The following ABCC5 variants were observed in gnomAD, a reference collection of about 807,000 sequenced individuals.
The protein encoded by ABCC5 is ATP-binding cassette sub-family C member 5.
In ABCC5, 61 loss-of-function variants were observed where a neutral mutation model predicts 160.9. The observed-to-expected ratio is 0.38, with a 90% CI of 0.31 to 0.47. The LOEUF is 0.47. Ranked by LOEUF, ABCC5 falls within the 20% of genes least tolerant of loss-of-function variation. The pLI is 0.99. For missense variants in ABCC5, 1,308 were observed against 1,813.3 expected (o/e 0.72, Z 5.06); for synonymous variants, 666 against 700.6 (o/e 0.95, Z 0.78).
At chr3:183,941,828 C>CA in intron 25 of ABCC5, among the ~76,000 whole-genome samples, 1 of 151,706 alleles carries the variant, frequency 6.6e-6, no homozygotes, top group East Asian at 2.0e-4. Context: ...ACTAAAAATA[C>CA]AAAAAAATTA....
At position 183,947,306 on chromosome 3, in the gene ABCC5, C is replaced by T. The variant is rs189078527; in HGVS notation, c.3414+18G>A. Reference sequence around the variant, plus strand: ...GGCTCAAACAAGCAAAGATGACGCTCCTATCCCAGAGACTGACCTGGACAG... The same window carrying T: ...GGCTCAAACAAGCAAAGATGACGCTTCTATCCCAGAGACTGACCTGGACAG... On this transcript the variant is annotated intron_variant, in intron 23 of 29. Coordinates refer to ENST00000334444, the MANE Select transcript of ABCC5 (RefSeq NM_005688.4). 10 of 1,571,208 alleles carry T rather than the reference C, an allele frequency of 6.4e-6. No homozygotes were observed. The highest frequency in any genetic ancestry group is 2.1e-4 in the Middle Eastern group (1 of 4,876).
At chr3:183,997,580 G>A (rs1332498691) in intron 2 of ABCC5, among the ~76,000 whole-genome samples, 3 of 152,092 alleles carry the variant, frequency 2.0e-5, no homozygotes, top group East Asian at 1.9e-4. Flanking sequence ...AGCTCCTAGA[G>A]GGCAAGCTGT....
chr3:183,999,938 T>TG (rs1720607470), intron 2 of ABCC5, among the ~76,000 whole-genome samples: 1 of 152,158 alleles, frequency 6.6e-6, no homozygotes, highest in Non-Finnish European at 1.5e-5. Flanking sequence ...CCAGCTATGA[T>TG]GGGGGACAGC....
At chr3:183,952,144 C>CTTT (rs34905378) in intron 18 of ABCC5, 141 bp from the exon 19 acceptor site, 292 of 373,704 alleles carry the variant, frequency 7.8e-4, no homozygotes, top group African/African-American at 1.4e-3. Context: ...TTGTCCACCT[C>CTTT]TTTTTTTTTT....
intron 5 of ABCC5, chr3:183,985,149 A>G: frequency 4.0e-6 from 3 of 750,830 alleles, no homozygotes; most frequent in Non-Finnish European, 6.4e-6. Flanking sequence ...GGGATAAAGA[A>G]AAAAGAGGTT....
intron 12 of ABCC5, among the ~76,000 whole-genome samples, chr3:183,966,315 A>G (rs1717212989): frequency 6.6e-6 from 1 of 152,218 alleles, no homozygotes; most frequent in Admixed American, 6.5e-5. Context: ...TGCACTTCAA[A>G]GGGTTCAGAA....
At chr3:183,993,881 G>T (rs956326168) in intron 2 of ABCC5, among the ~76,000 whole-genome samples, 5 of 151,718 alleles carry the variant, frequency 3.3e-5, no homozygotes, top group African/African-American at 1.2e-4. Flanking sequence ...CATCATCGAG[G>T]TCTAAAAATC....
chr3:183,981,886 A>C lies in ABCC5; in HGVS notation c.1000-12T>G. The C allele has an allele frequency of 6.3e-7, 1 of 1,585,230 alleles. No homozygotes were observed. The highest frequency in any genetic ancestry group is 1.4e-5 in the African/African-American group (1 of 73,164). ...CGTGATGCAAACATCTGAAAGGAAAAGCGATGCCACGCCAAATTAAAGCTC... is the reference window on the plus strand; with the variant it reads ...CGTGATGCAAACATCTGAAAGGAAACGCGATGCCACGCCAAATTAAAGCTC... On this transcript the variant is annotated splice_polypyrimidine_tract_variant and intron_variant, in intron 7 of 29. Coordinates refer to ENST00000334444, the MANE Select transcript of ABCC5 (RefSeq NM_005688.4).
At chr3:183,971,050 C>T (rs1341297774) in intron 11 of ABCC5, among the ~76,000 whole-genome samples, 1 of 152,180 alleles carries the variant, frequency 6.6e-6, no homozygotes, top group Admixed American at 6.5e-5. Context: ...TCTGTTCCAC[C>T]ATTCCCTATA....
chr3:183,940,984 G>A (rs766722649), intron 25 of ABCC5, among the ~76,000 whole-genome samples: 6 of 152,094 alleles, frequency 3.9e-5, no homozygotes, highest in South Asian at 2.1e-4. Context: ...TCAGCCTCCC[G>A]AGTAGCTGGA....
At chr3:183,991,460 C>T (rs1383539958) in intron 2 of ABCC5, among the ~76,000 whole-genome samples, 4 of 152,124 alleles carry the variant, frequency 2.6e-5, no homozygotes, top group East Asian at 3.8e-4. Context: ...CAAAGAACAG[C>T]GGGAACTTAA....
Position 183,963,697 on chromosome 3 carries a change from A to AATTCCCCGCAGATGAACTGCCATGCTG in ABCC5, c.2032-136_2032-110dup. On this transcript the variant is annotated intron_variant, in intron 14 of 29. Coordinates refer to ENST00000334444, the MANE Select transcript of ABCC5 (RefSeq NM_005688.4). This position sits in a 1 kb window ranked among gnomAD's most constrained non-coding sequence, Gnocchi z 4.6. ...CCCACCCAGACCAGCTCCTTCTGTC[A>AATTCCCCGCAGATGAACTGCCATGCTG]ATTCCCCGCAGATGAACTGCCATGC... 1.0e-6 allele frequency: 1 copy of AATTCCCCGCAGATGAACTGCCATGCTG among 978,434 alleles called. No individual in the cohort carries two copies. Among genetic ancestry groups the AATTCCCCGCAGATGAACTGCCATGCTG allele is most frequent in the South Asian group, 1.6e-5 (1 of 63,230 alleles). The allele number at this position is 978,434 out of a possible 1,614,324, so 60.6% of individuals were successfully genotyped here. A position where few individuals can be genotyped will look rare whatever the true frequency, so the allele number is the denominator to read the frequency against.
Position 183,967,400 on chromosome 3 carries a change from G to A in ABCC5, c.1833+295C>T, listed in dbSNP as rs531522147. ...CTTATCTCTGACATTTTCAATACAC[G>A]GGCATACCTGTGGCACTCAATAGAT... On this transcript the variant is annotated intron_variant, in intron 12 of 29. Coordinates refer to ENST00000334444, the MANE Select transcript of ABCC5 (RefSeq NM_005688.4). The A allele has an allele frequency of 4.0e-5, 14 of 352,176 alleles. No homozygotes were observed. The East Asian group carries it at 7.9e-4, about 20-fold the overall frequency. The allele number at this position is 352,176 out of a possible 1,614,324, so 21.8% of individuals were successfully genotyped here.
intron 17 of ABCC5, among the ~76,000 whole-genome samples, chr3:183,954,823 G>T (rs556342485): frequency 6.6e-6 from 1 of 152,238 alleles, no homozygotes; most frequent in African/African-American, 2.4e-5. Flanking sequence ...CAAGGCAGTT[G>T]GATTACAGCT....
chr3:183,971,542 G>A, intron 11 of ABCC5, 21 bp downstream of exon 11: 2 of 1,605,412 alleles, frequency 1.2e-6, no homozygotes, highest in Non-Finnish European at 1.7e-6. Flanking sequence ...CGGGCAGGGA[G>A]GCAGGGGGCG....
At chr3:183,934,279 C>T (rs992401383) in intron 26 of ABCC5, among the ~76,000 whole-genome samples, 2 of 152,154 alleles carry the variant, frequency 1.3e-5, no homozygotes, top group Non-Finnish European at 1.5e-5. Flanking sequence ...GGCAACAGAG[C>T]GAGACTCTGT....
At position 183,954,395 on chromosome 3, in the gene ABCC5, T is replaced by C. The variant is rs189855476; in HGVS notation, c.2483-1125A>G. Among the ~76,000 whole-genome samples the C allele has an allele frequency of 6.0e-3, 913 of 152,278 alleles. 10 individuals are homozygous for C. The highest frequency in any genetic ancestry group is 0.021 in the African/African-American group (874 of 41,558). Reference sequence around the variant, plus strand: ...AACTCCTGACCTCAGGTGATCTGCCTGCCTCAGCCTCCCAAAGTGCTGGGA... The same window carrying C: ...AACTCCTGACCTCAGGTGATCTGCCCGCCTCAGCCTCCCAAAGTGCTGGGA... On this transcript the variant is annotated intron_variant, in intron 17 of 29. Transcript: ENST00000334444.
Position 183,988,557 on chromosome 3 carries a change from A to G in ABCC5, c.443+15T>C. On this transcript the variant is annotated intron_variant, in intron 4 of 29. Coordinates refer to ENST00000334444, the MANE Select transcript of ABCC5 (RefSeq NM_005688.4). The surrounding 1 kb of genome is among the most constrained non-coding windows in gnomAD (Gnocchi z 4.4). ...CCCGGCATGGGGGAGATGAGGGTGG[A>G]CCAGAGGCGCCTACCTTCTGCAGTT... 6.2e-7 allele frequency: 1 copy of G among 1,607,700 alleles called. No individual in the cohort carries two copies. Among genetic ancestry groups the G allele is most frequent in the Non-Finnish European group, 8.5e-7 (1 of 1,177,480 alleles).
rs367868565 is a variant in ABCC5 at position 184,014,437 on chromosome 3, C to T, written c.-45G>A. On this transcript the variant is annotated 5_prime_UTR_variant, in exon 2 of 30. In the 5' UTR this introduces an upstream ATG that the reference lacks. Transcript: ENST00000334444. Reference sequence around the variant, plus strand: ...CAGGGCTCACAGACTGTTAGTTTCACATCAGAATTCCTGAAATTAAAAATT... The same window carrying T: ...CAGGGCTCACAGACTGTTAGTTTCATATCAGAATTCCTGAAATTAAAAATT... 6 of 1,535,880 alleles carry T rather than the reference C, an allele frequency of 3.9e-6. No homozygotes were observed. The highest frequency in any genetic ancestry group is 1.4e-5 in the African/African-American group (1 of 70,858).
Sources: allele counts gnomAD v4.1 joint callset (sites outside exome capture counted in the v4.1 genomes callset), GRCh38; gene constraint gnomAD v4.1.1; non-coding constraint Gnocchi (gnomAD v3.1); transcripts MANE v1.5; gene names NCBI Gene and HGNC (gene_info 2026-07-23, HGNC 2026-07-21).